FOXN3: variants seen among roughly 807,000 people sequenced by gnomAD.
FOXN3 encodes forkhead box N3, also known as forkhead box protein N3.
Under a neutral mutation model 38.4 loss-of-function variants are expected in FOXN3, and 7 were observed. The observed-to-expected ratio is 0.18, with a 90% confidence interval of 0.10 to 0.34. The LOEUF (loss-of-function observed/expected upper bound fraction) is 0.34. FOXN3 is among the 10% of genes least tolerant of loss of function. The pLI is 1.00. For synonymous variants in FOXN3, 230 were observed against 242.2 expected, an observed-to-expected ratio of 0.95 and a Z score of 0.47; for missense variants, 456 against 613.4, an observed-to-expected ratio of 0.74 and a Z score of 2.71.
chr14:89,330,594 T>C (rs1418974504), intron 3 of FOXN3, among the ~76,000 whole-genome samples: 4 of 152,190 alleles, frequency 2.6e-5, no homozygotes, highest in African/African-American at 9.7e-5. Context: ...TATTTGTTTA[T>C]GGGTTAAGGC....
chr14:89,429,046 A>G (rs1267056109), intron 1 of FOXN3, among the ~76,000 whole-genome samples: 2 of 152,224 alleles, frequency 1.3e-5, no homozygotes, highest in African/African-American at 4.8e-5. Context: ...GGGCTCAGTG[A>G]GGAGGCAGCT....
At position 89,297,201 on chromosome 14, in the gene FOXN3, G is replaced by A. The variant is rs1038667653; in HGVS notation, c.681-16187C>T. 6.9e-4 allele frequency among the ~76,000 whole-genome samples: 105 copies of A among 152,114 alleles called. 1 individual carries two copies. The highest frequency in any genetic ancestry group is 2.4e-3 in the African/African-American group (99 of 41,410). ...TTACCCAAACTAATGCCACGGAGGC[G>A]GCGCAAAAGACATCCCCTTAAAATG... On this transcript the variant is annotated intron_variant, in intron 3 of 5. Transcript: ENST00000557258.
chr14:89,439,506 G>A (rs938545085), intron 1 of FOXN3, among the ~76,000 whole-genome samples: 2 of 152,140 alleles, frequency 1.3e-5, no homozygotes, highest in African/African-American at 4.8e-5. Flanking sequence ...AAATGCCATG[G>A]CAACATCAGG....
chr14:89,403,344 C>T (rs1435011857), intron 2 of FOXN3, among the ~76,000 whole-genome samples: 1 of 152,198 alleles, frequency 6.6e-6, no homozygotes, highest in African/African-American at 2.4e-5. Context: ...ACTACAGGCA[C>T]ATGCCACCAT....
chr14:89,433,499 A>AACAT (rs1333647646), intron 1 of FOXN3, among the ~76,000 whole-genome samples: 1 of 151,538 alleles, frequency 6.6e-6, no homozygotes. Context: ...CAAACAAACA[A>AACAT]ATAAATACAT....
chr14:89,566,324 C>A (rs1407129888), intron 1 of FOXN3, among the ~76,000 whole-genome samples: 3 of 151,942 alleles, frequency 2.0e-5, no homozygotes, highest in African/African-American at 7.3e-5. Context: ...CTTCAAATGA[C>A]CTAATGTTTT....
chr14:89,578,249 A>G (rs945363937), intron 1 of FOXN3, among the ~76,000 whole-genome samples: 8 of 152,192 alleles, frequency 5.3e-5, no homozygotes, highest in African/African-American at 1.7e-4. Context: ...GTTTTGCAAC[A>G]CCAGATGCCC....
At chr14:89,210,139 T>C (rs1052442520) in intron 4 of FOXN3, among the ~76,000 whole-genome samples, 1 of 152,206 alleles carries the variant, frequency 6.6e-6, no homozygotes, top group African/African-American at 2.4e-5. Context: ...TCATGTTCAG[T>C]TGTAATCCCC....
intron 1 of FOXN3, among the ~76,000 whole-genome samples, chr14:89,531,889 A>C (rs1183622557): frequency 6.6e-6 from 1 of 152,162 alleles, no homozygotes; most frequent in Non-Finnish European, 1.5e-5. Flanking sequence ...AGCTCACCGC[A>C]ACCTCCACCT....
In FOXN3 at chr14:89,511,165, CTTTCTTTCTTTCTTTCTTTCTTTCT is replaced by C. The variant is rs1566680883; in HGVS notation, c.-14-98700_-14-98676del. Among the ~76,000 whole-genome samples the C allele has an allele frequency of 1.3e-3, 31 of 23,068 alleles. 5 individuals carry two copies. The highest frequency in any genetic ancestry group is 2.1e-3 in the African/African-American group (28 of 13,512). 15.1% of individuals were successfully genotyped at this position (23,068 alleles called of 152,430 possible). ...CTTTTCTTTCTTTCTTTCTTTCTTT[CTTTCTTTCTTTCTTTCTTTCTTTCT>C]TTTCTTTCTTTCTTTTCTTTCTTTC... On this transcript the variant is annotated intron_variant, in intron 1 of 6. Transcript: ENST00000345097.
In FOXN3 at chr14:89,280,923, G is replaced by A. The variant is rs374288523; in HGVS notation, c.745+27C>T. ...AAGGCGGGTGGGTGAGGGGGAGGGA[G>A]AGGAAGGGGTGTTACTAGGGACCTA... On this transcript the variant is annotated intron_variant, in intron 4 of 5. Coordinates refer to ENST00000557258, the MANE Select transcript of FOXN3 (RefSeq NM_005197.4). The A allele has an allele frequency of 2.8e-5, 44 of 1,598,376 alleles. No individual in the cohort carries two copies. The African/African-American group carries it at 3.7e-4, about 14-fold the overall frequency.
chr14:89,546,329 C>CTTTTTTTTTCT (rs1894880091), intron 1 of FOXN3, among the ~76,000 whole-genome samples: 3 of 78,314 alleles, frequency 3.8e-5, no homozygotes, highest in Non-Finnish European at 6.8e-5. Context: ...TTTCCTTTTT[C>CTTTTTTTTTCT]TTTTTTTTTT....
rs1452864153 is a variant in FOXN3, at chr14:89,182,413, T to C, written c.746-1607A>G. Among the ~76,000 whole-genome samples the C allele has an allele frequency of 5.3e-5, 8 of 152,208 alleles. 1 individual carries two copies. The South Asian group carries it at 1.7e-3, about 32-fold the overall frequency. On this transcript the variant is annotated intron_variant, in intron 4 of 5. Coordinates refer to ENST00000557258, the MANE Select transcript of FOXN3 (RefSeq NM_005197.4). The stretch of plus-strand genomic sequence containing the variant: ...ACAAAAGGTGGGATGGGTGACAGAA[T>C]GGAAACTCTCGCCTAAGTCAGTACT...
chr14:89,466,929 T>C (rs938390458), intron 1 of FOXN3, among the ~76,000 whole-genome samples: 2 of 152,180 alleles, frequency 1.3e-5, no homozygotes, highest in East Asian at 1.9e-4. Context: ...TCTTCATCTA[T>C]GGAATGGGGA....
intron 1 of FOXN3, among the ~76,000 whole-genome samples, chr14:89,523,542 T>A (rs1894364414): frequency 6.6e-6 from 1 of 152,240 alleles, no homozygotes; most frequent in Non-Finnish European, 1.5e-5. Context: ...AACAGAATGA[T>A]ATTTGGAAAA....
At chr14:89,262,094 C>G (rs879668357) in intron 4 of FOXN3, among the ~76,000 whole-genome samples, 1 of 151,796 alleles carries the variant, frequency 6.6e-6, no homozygotes, top group Non-Finnish European at 1.5e-5. Flanking sequence ...CAGAGAGAGA[C>G]CCTGTCTCAA....
Position 89,362,746 on chromosome 14 carries a change from T to TCCACCACCA in FOXN3, c.544-11947_544-11939dup, listed in dbSNP as rs71130063. 1.9e-3 allele frequency among the ~76,000 whole-genome samples: 3 copies of TCCACCACCA among 1,564 alleles called. 1 individual carries two copies. The highest frequency in any genetic ancestry group is 3.1e-3 in the African/African-American group (2 of 640). The allele number at this position is 1,564 out of a possible 152,430, so 1.0% of individuals were successfully genotyped here. On this transcript the variant is annotated intron_variant, in intron 2 of 5. Coordinates refer to ENST00000557258, the MANE Select transcript of FOXN3 (RefSeq NM_005197.4). ...CTCCACCACCACCTCCACCACCATC[T>TCCACCACCA]CCACCACCACCACCACCACCACCAC...
intron 2 of FOXN3, among the ~76,000 whole-genome samples, chr14:89,354,550 A>C (rs1465470228): frequency 6.7e-6 from 1 of 149,290 alleles, no homozygotes; most frequent in East Asian, 2.0e-4. Flanking sequence ...TATTAAAAAA[A>C]AAAAAAAAAA....
intron 3 of FOXN3, among the ~76,000 whole-genome samples, chr14:89,330,183 C>A (rs572374674): frequency 1.3e-5 from 2 of 152,156 alleles, no homozygotes; most frequent in Non-Finnish European, 2.9e-5. Flanking sequence ...TGGCTGGAAG[C>A]ACAAACCTGT....
Sources: allele counts gnomAD v4.1 joint callset (sites outside exome capture counted in the v4.1 genomes callset), GRCh38; gene constraint gnomAD v4.1.1; transcripts MANE v1.5; gene names NCBI Gene and HGNC (gene_info 2026-07-23, HGNC 2026-07-21).